Variants in VPS45 observed in about 807,000 individuals in gnomAD.
VPS45 encodes the protein vacuolar protein sorting-associated protein 45.
A neutral mutation model predicts 75.9 loss-of-function variants in VPS45; 35 were observed. The ratio of observed to expected loss-of-function variants is 0.46; its 90% CI spans 0.35 to 0.61. The LOEUF (loss-of-function observed/expected upper bound fraction) is 0.61. Among genes scored for constraint, VPS45 ranks in the 20% least tolerant of loss-of-function variants. VPS45 has a pLI of 0.00. For synonymous variants in VPS45, 220 were observed against 238.2 expected (o/e 0.92, Z 0.70); for missense variants, 559 against 685.9 (o/e 0.81, Z 2.07).
intron 10 of VPS45, among the ~76,000 whole-genome samples, chr1:150,086,163 A>G (rs1553800616): frequency 6.6e-6 from 1 of 152,138 alleles, no homozygotes; most frequent in East Asian, 1.9e-4. Context: ...TATTTGAAGC[A>G]GTATAGAGTA....
At chr1:150,113,213 A>G (rs1553807575) in intron 14 of VPS45, among the ~76,000 whole-genome samples, 1 of 152,054 alleles carries the variant, frequency 6.6e-6, no homozygotes, top group African/African-American at 2.4e-5. Flanking sequence ...GAGGCCCACC[A>G]AGAGTCATCT....
At chr1:150,109,072 C>T (rs143484745) in intron 13 of VPS45, 114 of 152,376 alleles carry the variant, frequency 7.5e-4, no homozygotes, top group Admixed American at 1.2e-3. Flanking sequence ...GTCTCTGTTG[C>T]CCAGGCTGGA....
chr1:150,108,050 C>T (rs1553806277), intron 13 of VPS45, among the ~76,000 whole-genome samples: 1 of 152,072 alleles, frequency 6.6e-6, no homozygotes, highest in African/African-American at 2.4e-5. Flanking sequence ...AGGATGAGTC[C>T]AAAGTTTTTG....
intron 3 of VPS45, among the ~76,000 whole-genome samples, chr1:150,075,789 G>A (rs896824904): frequency 9.2e-5 from 14 of 151,892 alleles, no homozygotes; most frequent in South Asian, 4.2e-4. Context: ...TTCCTCTATC[G>A]CCCAGGCTGG....
intron 7 of VPS45, among the ~76,000 whole-genome samples, chr1:150,079,663 C>T (rs1199144759): frequency 2.0e-5 from 3 of 152,148 alleles, no homozygotes; most frequent in African/African-American, 7.2e-5. Context: ...CTGCCCGACT[C>T]GGCCTCCCAA....
chr1:150,092,525 G>C (rs1656389750), intron 12 of VPS45, 116 bp downstream of exon 12: 7 of 805,832 alleles, frequency 8.7e-6, no homozygotes, highest in Non-Finnish European at 1.3e-5. Context: ...TTAGTACTGT[G>C]TCAGTTAAAT....
At position 150,082,008 on chromosome 1, in the gene VPS45, C is replaced by CATGT; in HGVS notation, c.936+13_936+16dup. On this transcript the variant is annotated intron_variant, in intron 9 of 14. Transcript: ENST00000644510. Reference sequence around the variant, plus strand: ...ATAGCAGACATGAAGGTAAATTGAACATGTACATGAATGACAAACATGTGA... The same window carrying CATGT: ...ATAGCAGACATGAAGGTAAATTGAACATGTATGTACATGAATGACAAACATGTGA... 1.3e-6 allele frequency: 2 copies of CATGT among 1,531,446 alleles called. No homozygotes were observed. The highest frequency in any genetic ancestry group is 1.8e-6 in the Non-Finnish European group (2 of 1,108,230). The allele number at this position is 1,531,446 out of a possible 1,614,324, so 94.9% of individuals were successfully genotyped here.
chr1:150,078,037 T>C (rs1386363452), intron 7 of VPS45, among the ~76,000 whole-genome samples: 2 of 152,196 alleles, frequency 1.3e-5, no homozygotes, highest in African/African-American at 2.4e-5. Context: ...TTCTGTAGAT[T>C]CTATTTCCCT....
intron 12 of VPS45, among the ~76,000 whole-genome samples, chr1:150,093,141 C>T (rs1056242027): frequency 6.6e-5 from 10 of 152,000 alleles, no homozygotes; most frequent in East Asian, 1.9e-4. Context: ...CCACCGCGCC[C>T]GGCAGCCTTT....
intron 14 of VPS45, among the ~76,000 whole-genome samples, chr1:150,124,644 G>A (rs1159817283): frequency 6.8e-6 from 1 of 146,902 alleles, no homozygotes; most frequent in Non-Finnish European, 1.5e-5. Flanking sequence ...CTACCTCCCG[G>A]ATTTAAGTAA....
At chr1:150,072,075 A>C in intron 2 of VPS45, 91 bp from the exon 3 acceptor site, 1 of 1,095,592 alleles carries the variant, frequency 9.1e-7, no homozygotes, top group East Asian at 2.5e-5. Context: ...CAGTAGACGC[A>C]GTAAATAAAC....
chr1:150,112,521 G>T (rs587628067), intron 14 of VPS45, among the ~76,000 whole-genome samples: 2 of 152,270 alleles, frequency 1.3e-5, no homozygotes, highest in South Asian at 4.2e-4. Context: ...ATATTACAGT[G>T]AGAAATATTA....
At chr1:150,115,239 C>T (rs1657868717) in intron 14 of VPS45, among the ~76,000 whole-genome samples, 1 of 152,128 alleles carries the variant, frequency 6.6e-6, no homozygotes, top group Non-Finnish European at 1.5e-5. Flanking sequence ...TGCTATCTGT[C>T]TGTGCTGTCT....
intron 13 of VPS45, among the ~76,000 whole-genome samples, chr1:150,096,187 A>G (rs199892688): frequency 1.3e-5 from 2 of 152,336 alleles, no homozygotes; most frequent in East Asian, 3.9e-4. Flanking sequence ...GAGAGTTGAC[A>G]AAAACATTAG....
intron 14 of VPS45, among the ~76,000 whole-genome samples, chr1:150,136,649 T>C (rs1553813796): frequency 6.6e-6 from 1 of 151,654 alleles, no homozygotes; most frequent in South Asian, 2.1e-4. Context: ...ACAGAGTAAC[T>C]AGGAAATGCC....
At chr1:150,143,815 G>A (rs1659535106) in intron 14 of VPS45, among the ~76,000 whole-genome samples, 1 of 152,116 alleles carries the variant, frequency 6.6e-6, no homozygotes, top group Admixed American at 6.6e-5. Flanking sequence ...TCCCAGCTGA[G>A]CCACTTACTA....
intron 10 of VPS45, among the ~76,000 whole-genome samples, chr1:150,086,146 A>G (rs1209636024): frequency 6.6e-6 from 1 of 152,118 alleles, no homozygotes; most frequent in Non-Finnish European, 1.5e-5. Flanking sequence ...ATGAGGAGGA[A>G]GAGCTCTATT....
At chr1:150,137,547 G>C (rs1161629505) in intron 14 of VPS45, among the ~76,000 whole-genome samples, 2 of 152,060 alleles carry the variant, frequency 1.3e-5, no homozygotes, top group Non-Finnish European at 2.9e-5. Flanking sequence ...CCTACACCGG[G>C]ATATCTCTCC....
intron 14 of VPS45, among the ~76,000 whole-genome samples, chr1:150,136,636 C>T (rs952109478): frequency 9.9e-5 from 15 of 152,058 alleles, no homozygotes; most frequent in African/African-American, 3.6e-4. Context: ...ATAATTAATT[C>T]TGACAGAGTA....
Sources: gnomAD v4.1 joint callset for allele counts (sites outside exome capture counted in the v4.1 genomes callset) on GRCh38, gnomAD v4.1.1 for gene constraint, MANE v1.5 for transcripts, NCBI Gene and HGNC (gene_info 2026-07-23, HGNC 2026-07-21) for gene names.